The following MTURN variants were observed in gnomAD, a reference collection of about 807,000 sequenced individuals.
MTURN encodes the protein maturin, neural progenitor differentiation regulator homolog.
Under a neutral mutation model 14.9 loss-of-function variants are expected in MTURN, and 7 were observed. That is an observed-to-expected ratio of 0.47 (90% CI 0.27 to 0.88). The LOEUF (loss-of-function observed/expected upper bound fraction) is 0.88. Ranked by LOEUF, MTURN falls within the 40% of genes least tolerant of loss-of-function variation. MTURN has a pLI of 0.14. For missense variants in MTURN, 151 were observed against 174.1 expected, an observed-to-expected ratio of 0.87 and a Z score of 0.75; for synonymous variants, 69 against 72.5, an observed-to-expected ratio of 0.95 and a Z score of 0.25.
intron 2 of MTURN, among the ~76,000 whole-genome samples, chr7:30,150,578 TTATC>T (rs1562570223): frequency 6.6e-6 from 1 of 152,234 alleles, no homozygotes; most frequent in African/African-American, 2.4e-5. Flanking sequence ...TATGATCACA[TTATC>T]AGAAAATATA....
intron 1 of MTURN, among the ~76,000 whole-genome samples, chr7:30,140,178 G>A (rs761116524): frequency 2.0e-5 from 3 of 152,084 alleles, no homozygotes; most frequent in African/African-American, 4.8e-5. Context: ...GCCCATCTGG[G>A]GGCCTGGATC....
chr7:30,143,370 T>C (rs181542598), intron 1 of MTURN, among the ~76,000 whole-genome samples: 5,716 of 149,712 alleles, frequency 0.038, 152 homozygotes, highest in Middle Eastern at 0.09. Flanking sequence ...TTTTTTTTTT[T>C]CCCAATGACA....
At position 30,160,859 on chromosome 7, in the gene MTURN, C is replaced by T. The variant is rs1291212044; in HGVS notation, c.*3311C>T. ...TCACCACTGTGGATTCACCTGCACT[C>T]AGGTGTCCACTCCTGTCTCCCAGGC... On this transcript the variant is annotated 3_prime_UTR_variant, in exon 3 of 3. Coordinates refer to ENST00000324453, the MANE Select transcript of MTURN (RefSeq NM_152793.3). 2 of 152,404 alleles carry T rather than the reference C, an allele frequency of 1.3e-5. No individual in the cohort carries two copies. The highest frequency in any genetic ancestry group is 2.9e-5 in the Non-Finnish European group (2 of 68,052). 9.4% of individuals were successfully genotyped at this position (152,404 alleles called of 1,614,324 possible).
intron 2 of MTURN, among the ~76,000 whole-genome samples, chr7:30,155,635 C>G (rs909896179): frequency 6.6e-6 from 1 of 152,252 alleles, no homozygotes; most frequent in Non-Finnish European, 1.5e-5. Context: ...TCTGAGGCAG[C>G]TGTGGCATGC....
chr7:30,139,934 C>CT (rs1797023098), intron 1 of MTURN, among the ~76,000 whole-genome samples: 1 of 152,176 alleles, frequency 6.6e-6, no homozygotes, highest in Non-Finnish European at 1.5e-5. Context: ...GCCACCCTGC[C>CT]TGGCTCTACA....
intron 2 of MTURN, among the ~76,000 whole-genome samples, chr7:30,147,262 T>C (rs1412272023): frequency 1.3e-5 from 2 of 152,228 alleles, no homozygotes; most frequent in Non-Finnish European, 2.9e-5. Flanking sequence ...GTGCTAGTTA[T>C]TGTATTTGAA....
rs973472710 is a variant in MTURN, at chr7:30,134,996, G to C, written c.-141G>C. On this transcript the variant is annotated 5_prime_UTR_variant, in exon 1 of 3. Coordinates refer to ENST00000324453, the MANE Select transcript of MTURN (RefSeq NM_152793.3). The stretch of plus-strand genomic sequence containing the variant: ...GCCGCCGCCCGCCCCACTCCGCACC[G>C]CATGTAAACAGTCCCAGCCGGCCCA... 3.3e-6 allele frequency: 2 copies of C among 608,938 alleles called. No individual in the cohort carries two copies. Among genetic ancestry groups the C allele is most frequent in the African/African-American group, 2.0e-5 (1 of 49,540 alleles). The allele number at this position is 608,938 out of a possible 1,614,324, so 37.7% of individuals were successfully genotyped here. A position where few individuals can be genotyped will look rare whatever the true frequency, so the allele number is the denominator to read the frequency against.
At chr7:30,145,502 AAAG>A (rs1293233716) in intron 1 of MTURN, among the ~76,000 whole-genome samples, 2 of 152,220 alleles carry the variant, frequency 1.3e-5, no homozygotes, top group African/African-American at 4.8e-5. Context: ...TGAAAAAGAA[AAAG>A]AAAAAGAAAC....
At chr7:30,135,997 C>T (rs1289443730) in intron 1 of MTURN, among the ~76,000 whole-genome samples, 1 of 149,376 alleles carries the variant, frequency 6.7e-6, no homozygotes, top group Non-Finnish European at 1.5e-5. Context: ...CTCACACCCT[C>T]ACCCTCACAC....
chr7:30,137,676 T>A (rs1164328656), intron 1 of MTURN: 2 of 471,088 alleles, frequency 4.2e-6, no homozygotes, highest in African/African-American at 4.0e-5. Context: ...CCGGACCTCT[T>A]GAATCTGTCC....
intron 1 of MTURN, among the ~76,000 whole-genome samples, chr7:30,136,189 G>C (rs919606372): frequency 6.6e-6 from 1 of 152,230 alleles, no homozygotes; most frequent in Admixed American, 6.5e-5. Context: ...CTCAGCCCCG[G>C]CTCAGAGGGA....
intron 2 of MTURN, 82 bp from the exon 3 acceptor site, chr7:30,157,356 T>G: frequency 8.4e-7 from 1 of 1,196,604 alleles, no homozygotes; most frequent in Non-Finnish European, 1.2e-6. Flanking sequence ...CTCTTTAATG[T>G]GGATCCGATG....
At position 30,135,075 on chromosome 7, in the gene MTURN, C is replaced by CG; in HGVS notation, c.-59dup. On this transcript the variant is annotated 5_prime_UTR_variant, in exon 1 of 3. Coordinates refer to ENST00000324453, the MANE Select transcript of MTURN (RefSeq NM_152793.3). ...CGAGCCGAGCGCCGCGCTGCCCGCC[C>CG]GGGAGGAGGGCGCCTAGGAGCGGGA... 7.8e-7 allele frequency: 1 copy of CG among 1,281,268 alleles called. No homozygotes were observed. Among genetic ancestry groups the CG allele is most frequent in the African/African-American group, 1.6e-5 (1 of 62,376 alleles). 79.4% of individuals were successfully genotyped at this position (1,281,268 alleles called of 1,614,324 possible).
At chr7:30,145,496 A>G (rs1371354241) in intron 1 of MTURN, among the ~76,000 whole-genome samples, 2 of 148,004 alleles carry the variant, frequency 1.4e-5, no homozygotes, top group Non-Finnish European at 2.9e-5. Context: ...CCTGTCTGAA[A>G]AAGAAAAAGA....
chr7:30,145,598 A>G (rs1797117247), intron 1 of MTURN, among the ~76,000 whole-genome samples: 1 of 152,210 alleles, frequency 6.6e-6, no homozygotes, highest in Non-Finnish European at 1.5e-5. Flanking sequence ...AAAGCATTTT[A>G]GGGAAGGGAA....
At chr7:30,143,089 G>A (rs148810555) in intron 1 of MTURN, among the ~76,000 whole-genome samples, 2,038 of 152,146 alleles carry the variant, frequency 0.013, 26 homozygotes, top group Admixed American at 0.02. Context: ...TCTCCACTCC[G>A]CTTGGTTTTG....
intron 1 of MTURN, chr7:30,137,489 A>G (rs1796982440): frequency 4.8e-6 from 2 of 414,848 alleles, no homozygotes; most frequent in South Asian, 1.8e-5. Flanking sequence ...GATTTTAAAT[A>G]TTTTCCCATC....
intron 2 of MTURN, among the ~76,000 whole-genome samples, chr7:30,150,097 C>T (rs951103676): frequency 1.3e-5 from 2 of 152,224 alleles, no homozygotes; most frequent in Non-Finnish European, 2.9e-5. Flanking sequence ...CTCTGTTTCT[C>T]AGTTCATTTG....
At chr7:30,135,455 G>A (rs1166748403) in intron 1 of MTURN, among the ~76,000 whole-genome samples, 157 bp downstream of exon 1, 1 of 150,962 alleles carries the variant, frequency 6.6e-6, no homozygotes, top group East Asian at 2.0e-4. Flanking sequence ...GGGAAGCCCC[G>A]GGCCGGGCGG....
Sources: allele counts gnomAD v4.1 joint callset (sites outside exome capture counted in the v4.1 genomes callset), GRCh38; gene constraint gnomAD v4.1.1; transcripts MANE v1.5; gene names NCBI Gene and HGNC (gene_info 2026-07-23, HGNC 2026-07-21).